CMTM8: variants seen among roughly 807,000 people sequenced by gnomAD.
CMTM8 encodes CKLF like MARVEL transmembrane domain containing 8, also known as CKLF-like MARVEL transmembrane domain-containing protein 8.
In CMTM8, 12 loss-of-function variants were observed where a neutral mutation model predicts 18.6. The observed-to-expected ratio is 0.65, with a 90% confidence interval of 0.41 to 1.05. The LOEUF is 1.05. Among genes scored for constraint, CMTM8 ranks in the 50% least tolerant of loss-of-function variants. CMTM8 has a pLI of 0.00. For missense variants in CMTM8, 217 were observed against 227.2 expected (o/e 0.95, Z 0.29); for synonymous variants, 87 against 90.6 (o/e 0.96, Z 0.23).
chr3:32,259,731 A>G, intron 1 of CMTM8: 1 of 998,418 alleles, frequency 1.0e-6, no homozygotes, highest in East Asian at 2.4e-5. Context: ...AAGAACTGAG[A>G]GGAGCTGGAC....
chr3:32,352,710 G>A (rs988554261), intron 1 of CMTM8, among the ~76,000 whole-genome samples: 2 of 152,146 alleles, frequency 1.3e-5, no homozygotes, highest in Admixed American at 6.5e-5. Flanking sequence ...ACTAGAAATG[G>A]GGATAAGGTT....
At chr3:32,335,820 C>T (rs1393444212) in intron 1 of CMTM8, among the ~76,000 whole-genome samples, 4 of 152,178 alleles carry the variant, frequency 2.6e-5, no homozygotes, top group Non-Finnish European at 5.9e-5. Context: ...TGCCAGGGCC[C>T]TTTCAGTTTC....
chr3:32,279,884 G>A (rs1702580295), intron 1 of CMTM8, among the ~76,000 whole-genome samples: 1 of 148,086 alleles, frequency 6.8e-6, no homozygotes, highest in Non-Finnish European at 1.5e-5. Context: ...ACTGGTGTGA[G>A]ATGATATCTC....
intron 1 of CMTM8, among the ~76,000 whole-genome samples, chr3:32,283,574 G>A (rs1702636539): frequency 6.6e-6 from 1 of 152,166 alleles, no homozygotes; most frequent in South Asian, 2.1e-4. Context: ...ACACGTCTAG[G>A]CATTTCAGGC....
intron 1 of CMTM8, among the ~76,000 whole-genome samples, chr3:32,331,775 C>T (rs1696278360): frequency 6.6e-6 from 1 of 152,068 alleles, no homozygotes; most frequent in South Asian, 2.1e-4. Context: ...TGAAATAAGC[C>T]AGTCATAGAA....
intron 1 of CMTM8, among the ~76,000 whole-genome samples, chr3:32,242,406 A>AC (rs1375443931): frequency 6.6e-6 from 1 of 151,696 alleles, no homozygotes; most frequent in East Asian, 1.9e-4. Context: ...AGTGCAACCT[A>AC]CCCCTCCTGG....
chr3:32,298,957 T>TATATATA, intron 1 of CMTM8, among the ~76,000 whole-genome samples: 1 of 111,778 alleles, frequency 8.9e-6, no homozygotes, highest in South Asian at 2.7e-4. Context: ...ATATATATAT[T>TATATATA]TTTTTTTTTT....
chr3:32,320,185 T>G (rs1298211761), intron 1 of CMTM8, among the ~76,000 whole-genome samples: 1 of 152,214 alleles, frequency 6.6e-6, no homozygotes, highest in Non-Finnish European at 1.5e-5. Context: ...CAAGTGTCTT[T>G]TGCAGCATTA....
chr3:32,297,504 A>C (rs9855334), intron 1 of CMTM8, among the ~76,000 whole-genome samples: 1 of 151,648 alleles, frequency 6.6e-6, no homozygotes, highest in South Asian at 2.1e-4. Context: ...TGATGAGGCT[A>C]TTCTTATCTG....
At chr3:32,293,568 A>G (rs933899441) in intron 1 of CMTM8, among the ~76,000 whole-genome samples, 3 of 152,104 alleles carry the variant, frequency 2.0e-5, no homozygotes, top group African/African-American at 7.2e-5. Flanking sequence ...TAAATAGGCC[A>G]GGTGCAGTGA....
At chr3:32,262,433 G>A (rs968571384) in intron 1 of CMTM8, among the ~76,000 whole-genome samples, 7 of 152,174 alleles carry the variant, frequency 4.6e-5, no homozygotes, top group Non-Finnish European at 1.5e-5. Context: ...CACTGCAAGG[G>A]GAATGTGGCA....
intron 1 of CMTM8, chr3:32,260,221 G>A: frequency 7.2e-7 from 1 of 1,393,726 alleles, no homozygotes; most frequent in Non-Finnish European, 1.0e-6. Flanking sequence ...CCAAAGTTCT[G>A]AGACATTAAG....
At chr3:32,357,862 T>A (rs1236014974) in intron 2 of CMTM8, among the ~76,000 whole-genome samples, 2 of 152,212 alleles carry the variant, frequency 1.3e-5, no homozygotes, top group African/African-American at 2.4e-5. Flanking sequence ...GTGAACAATG[T>A]CAACTGGAAA....
intron 1 of CMTM8, among the ~76,000 whole-genome samples, chr3:32,295,493 G>A (rs114643925): frequency 6.9e-5 from 8 of 116,354 alleles, no homozygotes; most frequent in Non-Finnish European, 1.4e-4. Context: ...ACAAAACAGC[G>A]GAAAGAGAAA....
intron 1 of CMTM8, among the ~76,000 whole-genome samples, chr3:32,331,980 C>A (rs1004403774): frequency 3.9e-5 from 6 of 152,072 alleles, no homozygotes; most frequent in Non-Finnish European, 5.9e-5. Flanking sequence ...GCAGTCAACA[C>A]TACTGTGTAT....
At chr3:32,289,597 T>A (rs1055274280) in intron 1 of CMTM8, among the ~76,000 whole-genome samples, 1 of 152,212 alleles carries the variant, frequency 6.6e-6, no homozygotes, top group Non-Finnish European at 1.5e-5. Context: ...GGTAATAATA[T>A]TAGCAGTGAT....
intron 1 of CMTM8, among the ~76,000 whole-genome samples, chr3:32,253,250 C>A (rs1380059511): frequency 6.6e-6 from 1 of 152,004 alleles, no homozygotes; most frequent in Non-Finnish European, 1.5e-5. Flanking sequence ...GTAAAATCAG[C>A]CTTAGTTTCC....
At chr3:32,339,981 T>G (rs1355921262) in intron 1 of CMTM8, among the ~76,000 whole-genome samples, 1 of 151,900 alleles carries the variant, frequency 6.6e-6, no homozygotes, top group African/African-American at 2.4e-5. Flanking sequence ...AATAAATAAA[T>G]AAAAAGAACT....
intron 2 of CMTM8, among the ~76,000 whole-genome samples, chr3:32,366,306 G>A (rs1697034377): frequency 6.6e-6 from 1 of 152,068 alleles, no homozygotes; most frequent in Admixed American, 6.6e-5. Flanking sequence ...AGAAAAAATG[G>A]GCCATACTTA....
Sources: gnomAD v4.1 joint callset for allele counts (sites outside exome capture counted in the v4.1 genomes callset) on GRCh38, gnomAD v4.1.1 for gene constraint, MANE v1.5 for transcripts, NCBI Gene and HGNC (gene_info 2026-07-23, HGNC 2026-07-21) for gene names.